The following NIPA1 variants were observed in gnomAD, a reference collection of about 807,000 sequenced individuals.
The protein encoded by NIPA1 is NIPA magnesium transporter 1, also known as magnesium transporter NIPA1.
In NIPA1, 13 loss-of-function variants were observed where a neutral mutation model predicts 23.9. The ratio of observed to expected loss-of-function variants is 0.54; its 90% CI spans 0.35 to 0.87. The LOEUF (loss-of-function observed/expected upper bound fraction) is 0.87. Among genes scored for constraint, NIPA1 ranks in the 40% least tolerant of loss-of-function variants. NIPA1 has a pLI of 0.01. For missense variants in NIPA1, 362 were observed against 429.7 expected (o/e 0.84, Z 1.39); for synonymous variants, 234 against 202.9 (o/e 1.15, Z -1.30).
intron 1 of NIPA1, among the ~76,000 whole-genome samples, chr15:22,807,782 T>TTTGTGTGTGTGTGTGTGTGTGTG (rs1555372969): frequency 6.9e-6 from 1 of 145,826 alleles, no homozygotes; most frequent in African/African-American, 2.6e-5. Context: ...TTAAATTCAC[T>TTTGTGTGTGTGTGTGTGTGTGTG]TGTGTGTGTG....
chr15:22,793,621 A>G (rs1439584647), intron 1 of NIPA1, among the ~76,000 whole-genome samples: 1 of 151,834 alleles, frequency 6.6e-6, no homozygotes, highest in African/African-American at 2.4e-5. Context: ...TCCTATCTTT[A>G]GTAGAGACAG....
At chr15:22,791,480 T>TTTG (rs1181962823) in intron 1 of NIPA1, among the ~76,000 whole-genome samples, 7 of 116,382 alleles carry the variant, frequency 6.0e-5, no homozygotes, top group Admixed American at 5.4e-4. Context: ...TTTCACTTTT[T>TTTG]TTTTTTTTTT....
At chr15:22,792,843 A>G (rs1595630269) in intron 1 of NIPA1, among the ~76,000 whole-genome samples, 1 of 151,982 alleles carries the variant, frequency 6.6e-6, no homozygotes. Flanking sequence ...AATCCAAGCT[A>G]CTTGGGAGGC....
At chr15:22,791,841 C>T (rs1401837196) in intron 1 of NIPA1, among the ~76,000 whole-genome samples, 4 of 152,136 alleles carry the variant, frequency 2.6e-5, no homozygotes, top group East Asian at 1.9e-4. Flanking sequence ...CAGGGAGCGT[C>T]GTCTACAGCA....
chr15:22,788,245 T>C (rs1265883504), intron 1 of NIPA1, among the ~76,000 whole-genome samples: 1 of 152,084 alleles, frequency 6.6e-6, no homozygotes, highest in Non-Finnish European at 1.5e-5. Flanking sequence ...CTGGTGCCTG[T>C]AGTCCCAGCA....
rs577375916 is a variant in NIPA1 at position 22,815,058 on chromosome 15, TCAAGA to T, written c.317+2806_317+2810del. Among the ~76,000 whole-genome samples, 10 of 152,268 alleles carry T rather than the reference TCAAGA, an allele frequency of 6.6e-5. No homozygotes were observed. The East Asian group carries it at 1.9e-3, about 29-fold the overall frequency. On this transcript the variant is annotated intron_variant, in intron 3 of 4. Coordinates refer to ENST00000337435, the MANE Select transcript of NIPA1 (RefSeq NM_144599.5). ...CCCCTGCGGGGCAAACCACCCCTGGTCAAGAAGCACTGTTCTATATGAATATGATG... is the reference window on the plus strand; with the variant it reads ...CCCCTGCGGGGCAAACCACCCCTGGTAGCACTGTTCTATATGAATATGATG...
chr15:22,823,210 T>C (rs1049112342), intron 4 of NIPA1, among the ~76,000 whole-genome samples: 1 of 143,610 alleles, frequency 7.0e-6, no homozygotes, highest in Non-Finnish European at 1.6e-5. Flanking sequence ...TGTGCCCTTC[T>C]GTAAATTTTT....
intron 3 of NIPA1, 61 bp from the exon 4 acceptor site, chr15:22,820,252 G>C: frequency 8.4e-7 from 1 of 1,187,248 alleles, no homozygotes; most frequent in South Asian, 1.2e-5. Context: ...AATATCTGCT[G>C]TTAGAAGAAA....
chr15:22,814,905 G>A (rs1895387236), intron 3 of NIPA1, among the ~76,000 whole-genome samples: 1 of 152,078 alleles, frequency 6.6e-6, no homozygotes, highest in African/African-American at 2.4e-5. Context: ...GATGCTTGAA[G>A]CCAGATAACT....
intron 3 of NIPA1, among the ~76,000 whole-genome samples, chr15:22,815,863 C>T (rs575083276): frequency 6.6e-6 from 1 of 152,216 alleles, no homozygotes; most frequent in South Asian, 2.1e-4. Context: ...TCTCAAAAGA[C>T]ACACAAAAAT....
At chr15:22,804,861 G>A (rs987428471) in intron 1 of NIPA1, among the ~76,000 whole-genome samples, 6 of 151,318 alleles carry the variant, frequency 4.0e-5, no homozygotes, top group Non-Finnish European at 8.8e-5. Flanking sequence ...TTTTTAAGAC[G>A]GAGTCCGCTC....
At chr15:22,821,008 C>T (rs1274058439) in intron 4 of NIPA1, among the ~76,000 whole-genome samples, 3 of 148,320 alleles carry the variant, frequency 2.0e-5, no homozygotes, top group East Asian at 4.0e-4. Flanking sequence ...GACGGAGTCT[C>T]GCTCTGTCAC....
At chr15:22,811,005 G>C (rs1895305276) in intron 2 of NIPA1, 1 of 590,458 alleles carries the variant, frequency 1.7e-6, no homozygotes, top group South Asian at 1.9e-5. Flanking sequence ...CCCAGGATGA[G>C]AGTGCAGAAG....
chr15:22,795,857 G>A (rs1420129885), intron 1 of NIPA1, among the ~76,000 whole-genome samples: 1 of 152,136 alleles, frequency 6.6e-6, no homozygotes, highest in East Asian at 1.9e-4. Context: ...CACAGCTGGG[G>A]CTGATTTTGG....
chr15:22,791,814 T>C (rs1452968500), intron 1 of NIPA1, among the ~76,000 whole-genome samples: 2 of 152,150 alleles, frequency 1.3e-5, no homozygotes, highest in Admixed American at 6.5e-5. Context: ...AGATACACAG[T>C]ACAACTCCCA....
intron 3 of NIPA1, among the ~76,000 whole-genome samples, chr15:22,817,956 A>G (rs900998248): frequency 2.0e-5 from 3 of 152,238 alleles, no homozygotes; most frequent in Admixed American, 6.5e-5. Flanking sequence ...TATGCCTTCA[A>G]TTCCCACACT....
At chr15:22,796,826 G>A (rs1894947614) in intron 1 of NIPA1, among the ~76,000 whole-genome samples, 1 of 152,136 alleles carries the variant, frequency 6.6e-6, no homozygotes, top group Non-Finnish European at 1.5e-5. Context: ...CCTGACTCGT[G>A]CCCAGCCGGG....
At chr15:22,819,856 A>G (rs8027341) in intron 3 of NIPA1, among the ~76,000 whole-genome samples, 44,258 of 152,020 alleles carry the variant, frequency 0.29, 6,646 homozygotes, top group Non-Finnish European at 0.32. Flanking sequence ...AGTGGTGTAA[A>G]TTATGTGTAT....
Position 22,829,538 on chromosome 15 carries a change from GGAA to G in NIPA1, c.*5305_*5307del. ...TTGAAAATGGAATATAATCATGAGA[GGAA>G]GAAGATGTAAAAAATGTCAAATGTT... On this transcript the variant is annotated 3_prime_UTR_variant, in exon 5 of 5. Transcript: ENST00000337435. 6.6e-6 allele frequency: 1 copy of G among 152,280 alleles called. No individual in the cohort carries two copies. Among genetic ancestry groups the G allele is most frequent in the Non-Finnish European group, 1.5e-5 (1 of 68,014 alleles). 9.4% of individuals were successfully genotyped at this position (152,280 alleles called of 1,614,324 possible). A position where few individuals can be genotyped will look rare whatever the true frequency, so the allele number is the denominator to read the frequency against.
Sources: allele counts gnomAD v4.1 joint callset (sites outside exome capture counted in the v4.1 genomes callset), GRCh38; gene constraint gnomAD v4.1.1; transcripts MANE v1.5; gene names NCBI Gene and HGNC (gene_info 2026-07-23, HGNC 2026-07-21).